Variants in COL5A2 observed in about 807,000 individuals in gnomAD.
COL5A2 encodes collagen alpha-2(V) chain.
COL5A2 carries 23 observed loss-of-function variants against 208.2 expected under a neutral mutation model. That is an observed-to-expected ratio of 0.11 (90% CI 0.08 to 0.16). The LOEUF is 0.16. Among genes scored for constraint, COL5A2 ranks in the 10% least tolerant of loss-of-function variants. COL5A2 has a pLI of 1.00. For synonymous variants in COL5A2, 625 were observed against 628.5 expected, an observed-to-expected ratio of 0.99 and a Z score of 0.08; for missense variants, 1,590 against 1,956.4, an observed-to-expected ratio of 0.81 and a Z score of 3.53.
At chr2:189,286,931 C>T in the COL5A2 span, among the ~76,000 whole-genome samples, 1 of 151,660 alleles carries the variant, frequency 6.6e-6, no homozygotes, top group East Asian at 1.9e-4. Context: ...AGCAAAATGT[C>T]AGAAGCAAAA....
the COL5A2 span, among the ~76,000 whole-genome samples, chr2:189,365,316 T>C: frequency 6.6e-6 from 1 of 152,228 alleles, no homozygotes; most frequent in African/African-American, 2.4e-5. Flanking sequence ...TCTATATTTT[T>C]GCATGTTGAA....
chr2:189,439,866 C>T, the COL5A2 span, among the ~76,000 whole-genome samples: 1 of 152,200 alleles, frequency 6.6e-6, no homozygotes, highest in Non-Finnish European at 1.5e-5. Context: ...TGTTTCTTGG[C>T]TCAGGCCCTA....
At chr2:189,230,782 A>AAT in the COL5A2 span, among the ~76,000 whole-genome samples, 2 of 151,936 alleles carry the variant, frequency 1.3e-5, no homozygotes, top group Admixed American at 6.6e-5. Context: ...AACCAGTATA[A>AAT]AGATTCCTTA....
rs1467804869 is a variant in COL5A2, at chr2:189,034,142, A to G, written c.4428T>C (p.Asp1476=). 10 of 1,614,028 alleles carry G rather than the reference A, an allele frequency of 6.2e-6. No individual in the cohort carries two copies. Among genetic ancestry groups the G allele is most frequent in the Non-Finnish European group, 7.6e-6 (9 of 1,179,956 alleles). The change falls in exon 54 of 54, where the codon GAT becomes GAC. Residue 1476 remains aspartate (D), a synonymous_variant. Transcript: ENST00000374866. Reference sequence around the variant, plus strand: ...TGCCGCCAACATCCACAGGAGCAAGATCTATGATGGGCAAGCGTGCCACAT... The same window carrying G: ...TGCCGCCAACATCCACAGGAGCAAGGTCTATGATGGGCAAGCGTGCCACAT... The part of the protein sequence containing the change: ...TQNVARLPII[D]LAPVDVGGTD...
intron 2 of COL5A2, among the ~76,000 whole-genome samples, chr2:189,105,221 T>A (rs567023012): frequency 6.6e-5 from 10 of 151,794 alleles, no homozygotes; most frequent in Admixed American, 1.3e-4. Context: ...ATTTGTAAGA[T>A]AAATTCCCCA....
At chr2:189,050,778 A>G (rs893912188) in intron 42 of COL5A2, 102 bp from the exon 43 acceptor site, 1 of 960,922 alleles carries the variant, frequency 1.0e-6, no homozygotes, top group Non-Finnish European at 1.6e-6. Context: ...TTTCAGTATG[A>G]AAAAGAAGTT....
At chr2:189,359,885 C>T in the COL5A2 span, among the ~76,000 whole-genome samples, 1 of 152,108 alleles carries the variant, frequency 6.6e-6, no homozygotes, top group East Asian at 1.9e-4. Context: ...CTAATAATCC[C>T]TTGTATTTCT....
the COL5A2 span, among the ~76,000 whole-genome samples, chr2:189,392,031 T>A: frequency 6.6e-6 from 1 of 152,180 alleles, no homozygotes. Flanking sequence ...GCCATGGTAA[T>A]ACATGATAAT....
intron 1 of COL5A2, 107 bp from the exon 2 acceptor site, chr2:189,110,556 A>G (rs900384455): frequency 2.2e-5 from 21 of 942,050 alleles, no homozygotes; most frequent in African/African-American, 4.9e-5. Flanking sequence ...CTAAGAAGTA[A>G]CCTTCCAAGG....
At chr2:189,345,481 G>A in the COL5A2 span, among the ~76,000 whole-genome samples, 1 of 152,168 alleles carries the variant, frequency 6.6e-6, no homozygotes, top group Admixed American at 6.6e-5. Flanking sequence ...ACAAGACCAG[G>A]AGCAGAGCTC....
chr2:189,068,776 A>G lies in COL5A2; in HGVS notation c.1257+10T>C. On this transcript the variant is annotated intron_variant, in intron 19 of 53. Transcript: ENST00000374866. The stretch of plus-strand genomic sequence containing the variant: ...TTCTGGGCTGGTTCTTAAATATGCT[A>G]GAAACTTACAGGAAGACCTGGAGAG... The G allele has an allele frequency of 1.3e-6, 2 of 1,595,626 alleles. No homozygotes were observed. The highest frequency in any genetic ancestry group is 1.7e-6 in the Non-Finnish European group (2 of 1,163,486).
chr2:189,239,666 G>A, the COL5A2 span, among the ~76,000 whole-genome samples: 3 of 151,038 alleles, frequency 2.0e-5, no homozygotes, highest in African/African-American at 7.3e-5. Flanking sequence ...TATACCTAAT[G>A]CTAAATGACG....
the COL5A2 span, among the ~76,000 whole-genome samples, chr2:189,281,333 T>C: frequency 1.3e-5 from 2 of 152,170 alleles, no homozygotes; most frequent in African/African-American, 2.4e-5. Context: ...GAACTTGGAC[T>C]TAATGCATCA....
At chr2:189,089,788 A>C (rs1686744082) in intron 7 of COL5A2, among the ~76,000 whole-genome samples, 1 of 152,164 alleles carries the variant, frequency 6.6e-6, no homozygotes, top group Non-Finnish European at 1.5e-5. Flanking sequence ...ATGTTACTAA[A>C]GTAGTTGTTT....
chr2:189,267,908 T>G, the COL5A2 span, among the ~76,000 whole-genome samples: 2 of 152,162 alleles, frequency 1.3e-5, no homozygotes, highest in African/African-American at 4.8e-5. Flanking sequence ...GCCCAGTGCT[T>G]TTTTATCAAT....
intron 35 of COL5A2, chr2:189,056,635 T>G: frequency 2.8e-6 from 1 of 352,108 alleles, no homozygotes; most frequent in Non-Finnish European, 5.3e-6. Context: ...TATGCTGGAA[T>G]GAAGTATTGG....
intron 1 of COL5A2, among the ~76,000 whole-genome samples, chr2:189,213,725 T>G (rs1302021318): frequency 6.6e-6 from 1 of 152,144 alleles, no homozygotes; most frequent in Non-Finnish European, 1.5e-5. Flanking sequence ...TGAACCCCAA[T>G]GCCTATAAAT....
intron 6 of COL5A2, among the ~76,000 whole-genome samples, chr2:189,094,523 A>T (rs1160498276): frequency 6.9e-6 from 1 of 145,286 alleles, no homozygotes; most frequent in Non-Finnish European, 1.5e-5. Flanking sequence ...AGTAGAAAAG[A>T]CGAATGACCG....
intron 3 of COL5A2, among the ~76,000 whole-genome samples, chr2:189,103,120 A>G (rs1309688396): frequency 6.6e-6 from 1 of 152,024 alleles, no homozygotes; most frequent in Admixed American, 6.6e-5. Context: ...CTATCTGTCT[A>G]TCCATGCATC....
Sources: allele counts gnomAD v4.1 joint callset (sites outside exome capture counted in the v4.1 genomes callset), GRCh38; gene constraint gnomAD v4.1.1; transcripts MANE v1.5; gene names NCBI Gene and HGNC (gene_info 2026-07-23, HGNC 2026-07-21).